ALX4: variants seen among roughly 807,000 people sequenced by gnomAD.
The protein encoded by ALX4 is ALX homeobox 4.
A neutral mutation model predicts 40.6 loss-of-function variants in ALX4; 22 were observed. The observed-to-expected ratio is 0.54, with a 90% CI of 0.39 to 0.77. The LOEUF is 0.77. ALX4 is among the 30% of genes least tolerant of loss of function. The pLI, the probability that ALX4 is intolerant of heterozygous loss-of-function variation, is 0.00. For synonymous variants in ALX4, 266 were observed against 240.5 expected (o/e 1.11, Z -0.98); for missense variants, 556 against 564.8 (o/e 0.98, Z 0.16).
intron 1 of ALX4, among the ~76,000 whole-genome samples, chr11:44,305,554 T>C (rs1956461524): frequency 1.3e-5 from 2 of 152,200 alleles, no homozygotes; most frequent in Non-Finnish European, 2.9e-5. Flanking sequence ...GGGTCGTCTC[T>C]TGTATACAAA....
intron 1 of ALX4, among the ~76,000 whole-genome samples, chr11:44,293,707 A>G (rs938765118): frequency 6.6e-6 from 1 of 152,220 alleles, no homozygotes; most frequent in South Asian, 2.1e-4. Flanking sequence ...CACCTGCCAC[A>G]TGGTACAAGT....
At chr11:44,293,202 G>GGGAGGGAGGGAA (rs1956382675) in intron 1 of ALX4, among the ~76,000 whole-genome samples, 1 of 148,742 alleles carries the variant, frequency 6.7e-6, no homozygotes, top group African/African-American at 2.5e-5. Flanking sequence ...GAGGGAGGGA[G>GGGAGGGAGGGAA]GGAAGGAAGG....
chr11:44,276,102 G>T (rs983112832), intron 1 of ALX4, among the ~76,000 whole-genome samples: 6 of 152,146 alleles, frequency 3.9e-5, no homozygotes, highest in Admixed American at 1.3e-4. Flanking sequence ...GGCCCAGTGG[G>T]GCTTGGGGTG....
chr11:44,276,582 A>G (rs1285173638), intron 1 of ALX4, among the ~76,000 whole-genome samples: 1 of 152,162 alleles, frequency 6.6e-6, no homozygotes, highest in Non-Finnish European at 1.5e-5. Context: ...CCACTTTACC[A>G]CCACACAGCC....
intron 1 of ALX4, among the ~76,000 whole-genome samples, chr11:44,299,354 G>T (rs900078523): frequency 5.7e-4 from 65 of 113,088 alleles, no homozygotes; most frequent in African/African-American, 2.2e-3. Flanking sequence ...GGGGGCCATG[G>T]TTTTTTTTTT....
chr11:44,292,927 T>C (rs1488727550), intron 1 of ALX4, among the ~76,000 whole-genome samples: 1 of 149,874 alleles, frequency 6.7e-6, no homozygotes, highest in Non-Finnish European at 1.5e-5. Flanking sequence ...AAGACCCCCA[T>C]CTCTATAAAA....
intron 3 of ALX4, among the ~76,000 whole-genome samples, chr11:44,267,218 A>G (rs1427345107): frequency 1.3e-5 from 2 of 152,176 alleles, no homozygotes; most frequent in Non-Finnish European, 2.9e-5. Flanking sequence ...CGATGCCCAC[A>G]GCAAAAGTGG....
intron 3 of ALX4, among the ~76,000 whole-genome samples, chr11:44,265,452 G>A (rs1956208013): frequency 6.6e-6 from 1 of 152,146 alleles, no homozygotes; most frequent in Admixed American, 6.5e-5. Context: ...GTGGAAGGGT[G>A]ACACCCCAGC....
chr11:44,289,564 G>T (rs1956357854), intron 1 of ALX4, among the ~76,000 whole-genome samples: 1 of 152,186 alleles, frequency 6.6e-6, no homozygotes, highest in South Asian at 2.1e-4. Context: ...GCCTTTCAAG[G>T]TGGTGATGAG....
At chr11:44,291,857 C>T (rs577544282) in intron 1 of ALX4, among the ~76,000 whole-genome samples, 3 of 152,222 alleles carry the variant, frequency 2.0e-5, no homozygotes, top group Admixed American at 2.0e-4. Flanking sequence ...CTCGCTCTGT[C>T]ACCCAGGCTG....
At chr11:44,276,984 G>A (rs1956281845) in intron 1 of ALX4, among the ~76,000 whole-genome samples, 1 of 152,118 alleles carries the variant, frequency 6.6e-6, no homozygotes, top group African/African-American at 2.4e-5. Flanking sequence ...AAGGACCCCT[G>A]GTTTAGGTCA....
In ALX4 at chr11:44,309,806, G is replaced by C. The variant is rs1295821461; in HGVS notation, c.257C>G (p.Ser86Cys). ...CGGCTGGGGCTGGAACTTGTTAAAG[G>C]AGCCCCGCGCCCCAGCTCCACTCTC... Reference protein sequence around the residue: ...PLESGAGARGSFNKFQPQPST... With the variant: ...PLESGAGARGCFNKFQPQPST... The change falls in exon 1 of 4, where the codon TCC (serine) becomes TGC (cysteine). Residue 86 changes from serine (S) to cysteine (C), a missense_variant. Ser to Cys is a moderately radical substitution (Grantham distance 112). Coordinates refer to ENST00000652299, the MANE Select transcript of ALX4 (RefSeq NM_021926.4). 1 of 1,551,364 alleles carries C rather than the reference G, an allele frequency of 6.4e-7. No individual in the cohort carries two copies. Among genetic ancestry groups the C allele is most frequent in the Non-Finnish European group, 8.7e-7 (1 of 1,147,400 alleles).
At chr11:44,299,883 A>G (rs965146835) in intron 1 of ALX4, among the ~76,000 whole-genome samples, 1 of 152,162 alleles carries the variant, frequency 6.6e-6, no homozygotes, top group African/African-American at 2.4e-5. Context: ...TGGGGATGAT[A>G]ATAGTACCAA....
At chr11:44,265,502 A>G (rs1956208482) in intron 3 of ALX4, among the ~76,000 whole-genome samples, 1 of 152,068 alleles carries the variant, frequency 6.6e-6, no homozygotes. Flanking sequence ...TCAACTGTAG[A>G]CTTGGCCTCC....
At chr11:44,275,231 C>A (rs1332824802) in intron 2 of ALX4, 117 bp downstream of exon 2, 24 of 1,077,498 alleles carry the variant, frequency 2.2e-5, no homozygotes. Context: ...TCTCAATGAA[C>A]TGAGGAAAGG....
intron 1 of ALX4, among the ~76,000 whole-genome samples, chr11:44,300,989 G>A (rs918960413): frequency 4.6e-5 from 7 of 152,242 alleles, no homozygotes; most frequent in Non-Finnish European, 1.0e-4. Context: ...CTGAGTCAGG[G>A]CTTTCCCCAT....
At chr11:44,298,452 G>C (rs1011959487) in intron 1 of ALX4, among the ~76,000 whole-genome samples, 4 of 152,218 alleles carry the variant, frequency 2.6e-5, no homozygotes, top group Non-Finnish European at 4.4e-5. Context: ...GAGGATGAGT[G>C]AATGGGGGAC....
rs58562640 is a variant in ALX4 at position 44,280,531 on chromosome 11, C to G, written c.467-4873G>C. 3.6e-3 allele frequency among the ~76,000 whole-genome samples: 555 copies of G among 152,320 alleles called. 1 individual carries two copies. Among genetic ancestry groups the G allele is most frequent in the African/African-American group, 0.013 (535 of 41,574 alleles). ...TCCCTGGAGCAGCTCCTTGTGGACC[C>G]GGAAAGGCTCTATGCTGATGCCCCT... On this transcript the variant is annotated intron_variant, in intron 1 of 3. Coordinates refer to ENST00000652299, the MANE Select transcript of ALX4 (RefSeq NM_021926.4).
Position 44,275,479 on chromosome 11 carries a change from G to C in ALX4, c.646C>G (p.Arg216Gly), listed in dbSNP as rs587777700. 1 of 1,614,026 alleles carries C rather than the reference G, an allele frequency of 6.2e-7. No homozygotes were observed. The highest frequency in any genetic ancestry group is 8.5e-7 in the Non-Finnish European group (1 of 1,179,888). Residue 216 changes from arginine to glycine, a missense_variant, in exon 2 of 4, where the codon CGG becomes GGG. Transcript: ENST00000652299. The part of the protein sequence containing the change: ...DSESNKGKKR[R>G]NRTTFTSYQL... Reference sequence around the variant, plus strand: ...TAGCTGGTGAAGGTGGTCCGGTTCCGCCGCTTCTTGCCCTTGTTGCTCTCT... The same window carrying C: ...TAGCTGGTGAAGGTGGTCCGGTTCCCCCGCTTCTTGCCCTTGTTGCTCTCT...
Sources: gnomAD v4.1 joint callset for allele counts (sites outside exome capture counted in the v4.1 genomes callset) on GRCh38, gnomAD v4.1.1 for gene constraint, MANE v1.5 for transcripts, NCBI Gene and HGNC (gene_info 2026-07-23, HGNC 2026-07-21) for gene names.